Variants in MAPKAP1 observed in about 807,000 individuals in gnomAD.
MAPKAP1 encodes MAPK associated protein 1.
MAPKAP1 carries 20 observed loss-of-function variants against 65.7 expected under a neutral mutation model. That is an observed-to-expected ratio of 0.30 (90% CI 0.21 to 0.44). MAPKAP1 has a LOEUF of 0.44. MAPKAP1 is among the 20% of genes least tolerant of loss of function. MAPKAP1 has a pLI of 1.00. For missense variants in MAPKAP1, 423 were observed against 648.0 expected, an observed-to-expected ratio of 0.65 and a Z score of 3.77; for synonymous variants, 222 against 244.3, an observed-to-expected ratio of 0.91 and a Z score of 0.85.
At chr9:125,689,549 C>T (rs1414015836) in intron 1 of MAPKAP1, among the ~76,000 whole-genome samples, 2 of 148,894 alleles carry the variant, frequency 1.3e-5, no homozygotes, top group African/African-American at 5.0e-5. Flanking sequence ...GAGTTCAAGA[C>T]CAGCCTGGCC....
At chr9:125,587,254 C>T (rs1564571014) in intron 4 of MAPKAP1, among the ~76,000 whole-genome samples, 1 of 152,150 alleles carries the variant, frequency 6.6e-6, no homozygotes, top group African/African-American at 2.4e-5. Flanking sequence ...ATAAATTGAA[C>T]TTCATTAAAA....
chr9:125,683,047 C>T (rs974545294), intron 1 of MAPKAP1, among the ~76,000 whole-genome samples: 1 of 151,946 alleles, frequency 6.6e-6, no homozygotes, highest in African/African-American at 2.4e-5. Flanking sequence ...CCTCCGCCTC[C>T]CAGGTTCAAG....
At chr9:125,570,421 G>A (rs1220900263) in intron 5 of MAPKAP1, among the ~76,000 whole-genome samples, 1 of 152,218 alleles carries the variant, frequency 6.6e-6, no homozygotes, top group Non-Finnish European at 1.5e-5. Context: ...GGTAAGGCCT[G>A]GGGACATGTG....
At chr9:125,557,169 G>A (rs1830760605) in intron 6 of MAPKAP1, among the ~76,000 whole-genome samples, 1 of 152,082 alleles carries the variant, frequency 6.6e-6, no homozygotes, top group South Asian at 2.1e-4. Context: ...CAGAAGGCAG[G>A]GTTCATAGTG....
rs117648412 is a variant in MAPKAP1 at position 125,699,505 on chromosome 9, T to C, written c.-70+7466A>G. 2.7e-3 allele frequency among the ~76,000 whole-genome samples: 413 copies of C among 152,288 alleles called. 15 individuals carry two copies. The East Asian group carries it at 0.069, about 25-fold the overall frequency. ...GTTATGAGCCACCTCACCCAGCCAG[T>C]ATTTTTAATAATTTTATGCATGAAA... On this transcript the variant is annotated intron_variant, in intron 1 of 11. Coordinates refer to ENST00000265960, the MANE Select transcript of MAPKAP1 (RefSeq NM_001006617.3).
chr9:125,483,126 T>C (rs1339040712), intron 9 of MAPKAP1, among the ~76,000 whole-genome samples: 1 of 152,112 alleles, frequency 6.6e-6, no homozygotes, highest in Non-Finnish European at 1.5e-5. Flanking sequence ...AGTTTACAAC[T>C]GCAGGCCCCG....
intron 7 of MAPKAP1, chr9:125,512,786 T>C (rs567128620): frequency 6.6e-6 from 1 of 152,346 alleles, no homozygotes; most frequent in Non-Finnish European, 1.5e-5. Context: ...GGTTTCACCA[T>C]GTTAGCCAGG....
intron 5 of MAPKAP1, among the ~76,000 whole-genome samples, chr9:125,569,711 A>G (rs1007895965): frequency 1.3e-5 from 2 of 152,254 alleles, no homozygotes; most frequent in Non-Finnish European, 2.9e-5. Flanking sequence ...ACTCCACCCT[A>G]AAGCCAGTAA....
chr9:125,532,473 T>A (rs766023124), intron 7 of MAPKAP1, among the ~76,000 whole-genome samples: 2 of 152,222 alleles, frequency 1.3e-5, no homozygotes, highest in African/African-American at 4.8e-5. Flanking sequence ...GAAAAAGGCA[T>A]CTCTCTGCAT....
At chr9:125,488,918 A>G (rs570580000) in intron 8 of MAPKAP1, among the ~76,000 whole-genome samples, 1 of 152,368 alleles carries the variant, frequency 6.6e-6, no homozygotes, top group Non-Finnish European at 1.5e-5. Context: ...CAAAGCATTC[A>G]TTATTCCAAA....
At chr9:125,459,085 C>T (rs1394604979) in intron 10 of MAPKAP1, among the ~76,000 whole-genome samples, 1 of 140,690 alleles carries the variant, frequency 7.1e-6, no homozygotes, top group Non-Finnish European at 1.6e-5. Context: ...AGAGGGTCTC[C>T]TCACTTCTCA....
chr9:125,494,688 A>G (rs542461540), intron 8 of MAPKAP1, among the ~76,000 whole-genome samples: 93 of 152,166 alleles, frequency 6.1e-4, no homozygotes, highest in Admixed American at 5.6e-3. Flanking sequence ...ATTCATTCCT[A>G]AACACCCCAA....
intron 1 of MAPKAP1, among the ~76,000 whole-genome samples, chr9:125,678,667 C>T (rs1486242360): frequency 6.6e-6 from 1 of 152,168 alleles, no homozygotes; most frequent in Non-Finnish European, 1.5e-5. Flanking sequence ...ATACTGTTCC[C>T]AGATTACACA....
At chr9:125,498,873 A>G (rs1034894138) in intron 8 of MAPKAP1, among the ~76,000 whole-genome samples, 1 of 152,004 alleles carries the variant, frequency 6.6e-6, no homozygotes, top group African/African-American at 2.4e-5. Flanking sequence ...GCCAACATAC[A>G]TCTCCTCGAG....
Position 125,595,682 on chromosome 9 carries a change from T to C in MAPKAP1, c.499-9955A>G. ...TTCTCCCTGCCGTCCTAAGTCAGAG[T>C]CTCCTAAAGAGCCGGAACAGCTAAG... On this transcript the variant is annotated intron_variant, in intron 4 of 11. Transcript: ENST00000265960. The surrounding 1 kb of genome is among the most constrained non-coding windows in gnomAD (Gnocchi z 4.0). 3 of 1,535,764 alleles carry C rather than the reference T, an allele frequency of 2.0e-6. No homozygotes were observed. Among genetic ancestry groups the C allele is most frequent in the South Asian group, 1.2e-5 (1 of 82,772 alleles).
chr9:125,470,585 T>C (rs1429692730), intron 9 of MAPKAP1, among the ~76,000 whole-genome samples: 1 of 152,248 alleles, frequency 6.6e-6, no homozygotes, highest in Admixed American at 6.5e-5. Context: ...TGTTACCGTA[T>C]AGTTCATCCA....
chr9:125,441,365 T>C (rs1589191856), intron 11 of MAPKAP1, among the ~76,000 whole-genome samples: 1 of 152,282 alleles, frequency 6.6e-6, no homozygotes, highest in Admixed American at 6.5e-5. Context: ...GCTCCACCCT[T>C]GTGTGCTCTG....
chr9:125,498,521 T>C (rs753346426), intron 8 of MAPKAP1, among the ~76,000 whole-genome samples: 6 of 152,140 alleles, frequency 3.9e-5, no homozygotes, highest in Non-Finnish European at 7.4e-5. Context: ...CCCAAATACG[T>C]AATTTTTAAA....
At chr9:125,502,015 T>C (rs1378119618) in intron 8 of MAPKAP1, among the ~76,000 whole-genome samples, 2 of 152,158 alleles carry the variant, frequency 1.3e-5, no homozygotes, top group Non-Finnish European at 2.9e-5. Context: ...CTTCTCTTTA[T>C]TGCTTCTTTT....
Sources: gnomAD v4.1 joint callset for allele counts (sites outside exome capture counted in the v4.1 genomes callset) on GRCh38, gnomAD v4.1.1 for gene constraint, Gnocchi (gnomAD v3.1) non-coding constraint, MANE v1.5 for transcripts, NCBI Gene and HGNC (gene_info 2026-07-23, HGNC 2026-07-21) for gene names.